The following MTRF1 variants were observed in gnomAD, a reference collection of about 807,000 sequenced individuals.
The protein encoded by MTRF1 is peptide chain release factor 1, mitochondrial.
MTRF1 carries 51 observed loss-of-function variants against 62.9 expected under a neutral mutation model. The observed-to-expected ratio is 0.81, with a 90% CI of 0.65 to 1.02. MTRF1 has a LOEUF of 1.02. MTRF1 is among the 50% of genes least tolerant of loss of function. The pLI, the probability that MTRF1 is intolerant of heterozygous loss-of-function variation, is 0.00. For synonymous variants in MTRF1, 158 were observed against 181.9 expected (o/e 0.87, Z 1.06); for missense variants, 446 against 530.0 (o/e 0.84, Z 1.56).
chr13:41,218,045 G>A (rs1367802694), intron 9 of MTRF1, among the ~76,000 whole-genome samples: 8 of 152,152 alleles, frequency 5.3e-5, no homozygotes, highest in Non-Finnish European at 7.3e-5. Flanking sequence ...AAATGGTGGG[G>A]GGAAAGAGAA....
At chr13:41,250,040 G>A (rs553808384) in intron 5 of MTRF1, among the ~76,000 whole-genome samples, 7 of 152,132 alleles carry the variant, frequency 4.6e-5, no homozygotes, top group Non-Finnish European at 1.0e-4. Flanking sequence ...TAAAGGAAAG[G>A]TTTCCCAATC....
chr13:41,286,113 A>C, the MTRF1 span, among the ~76,000 whole-genome samples: 1 of 150,666 alleles, frequency 6.6e-6, no homozygotes, highest in East Asian at 1.9e-4. Flanking sequence ...AAAAGGGAAA[A>C]CTGAAACTAG....
chr13:41,223,064 A>G (rs1403044035), intron 9 of MTRF1, among the ~76,000 whole-genome samples, 192 bp downstream of exon 9: 1 of 152,226 alleles, frequency 6.6e-6, no homozygotes, highest in African/African-American at 2.4e-5. Flanking sequence ...ATTGTTTCAA[A>G]ATGGCATAAA....
At chr13:41,254,427 A>G (rs2039462384) in intron 3 of MTRF1, 102 bp downstream of exon 3, 1 of 695,916 alleles carries the variant, frequency 1.4e-6, no homozygotes, top group Admixed American at 2.9e-5. Context: ...AGAACACTTA[A>G]AACAGTGTTT....
chr13:41,275,086 C>T, the MTRF1 span, among the ~76,000 whole-genome samples: 1 of 152,158 alleles, frequency 6.6e-6, no homozygotes, highest in Non-Finnish European at 1.5e-5. Context: ...ATGTTAACAT[C>T]GTTCTCGAAC....
intron 2 of MTRF1, among the ~76,000 whole-genome samples, chr13:41,257,185 T>G (rs2039843982): frequency 6.6e-6 from 1 of 152,190 alleles, no homozygotes; most frequent in Non-Finnish European, 1.5e-5. Flanking sequence ...GCAAAGAGAA[T>G]TAACATAGTA....
intron 7 of MTRF1, among the ~76,000 whole-genome samples, chr13:41,230,123 ACTT>A (rs1476111459): frequency 1.3e-5 from 2 of 151,974 alleles, no homozygotes; most frequent in Non-Finnish European, 2.9e-5. Flanking sequence ...AAAAAGTATA[ACTT>A]CATTTTTGGG....
chr13:41,278,118 T>C, the MTRF1 span, among the ~76,000 whole-genome samples: 2 of 152,250 alleles, frequency 1.3e-5, no homozygotes, highest in African/African-American at 4.8e-5. Flanking sequence ...CAAGCTTCCA[T>C]TCCATCTTGT....
intron 5 of MTRF1, among the ~76,000 whole-genome samples, chr13:41,249,985 T>C (rs967012492): frequency 6.6e-6 from 1 of 152,260 alleles, no homozygotes; most frequent in East Asian, 1.9e-4. Context: ...GGCTTTTAGC[T>C]TTTCAAAATA....
Position 41,226,492 on chromosome 13 carries a change from T to G in MTRF1, c.1065A>C (p.Arg355Ser). ...KEIAFRVLRA[R>S]LYQQIIEKDK... is the part of the protein sequence containing the mutation. ...CTTTCTCAATAATCTGCTGGTAGAG[T>G]CTAGCTCTCAACACACGAAAGGCTA... is the stretch of plus-strand genomic sequence containing the variant. Residue 355 changes from arginine to serine, a missense_variant, in exon 8 of 10, where the codon AGA becomes AGC. Physicochemically the swap from Arg to Ser is moderately radical, Grantham distance 110. Coordinates refer to ENST00000379480, the MANE Select transcript of MTRF1 (RefSeq NM_004294.4). The G allele has an allele frequency of 6.2e-7, 1 of 1,613,968 alleles. No individual in the cohort carries two copies. Among genetic ancestry groups the G allele is most frequent in the East Asian group, 2.2e-5 (1 of 44,866 alleles).
chr13:41,269,596 T>C, the MTRF1 span, among the ~76,000 whole-genome samples: 3 of 152,152 alleles, frequency 2.0e-5, no homozygotes, highest in Non-Finnish European at 4.4e-5. Context: ...TAGAATGTTT[T>C]CCTACAATAT....
chr13:41,307,083 G>C, the MTRF1 span, among the ~76,000 whole-genome samples: 7 of 152,148 alleles, frequency 4.6e-5, no homozygotes, highest in African/African-American at 7.2e-5. Context: ...TAAGGTTCAG[G>C]ATGACAACTA....
chr13:41,295,361 T>G, the MTRF1 span, among the ~76,000 whole-genome samples: 2 of 152,226 alleles, frequency 1.3e-5, no homozygotes, highest in Non-Finnish European at 2.9e-5. Context: ...TTTGTGTCCC[T>G]ACACAAGGTA....
At position 41,217,375 on chromosome 13, in the gene MTRF1, A is replaced by G. The variant is rs770648711; in HGVS notation, c.1225-147T>C. 56 of 476,406 alleles carry G rather than the reference A, an allele frequency of 1.2e-4. No homozygotes were observed. The Middle Eastern group carries it at 2.4e-3, about 20-fold the overall frequency. The allele number at this position is 476,406 out of a possible 1,614,324, so 29.5% of individuals were successfully genotyped here. A position where few individuals can be genotyped will look rare whatever the true frequency, so the allele number is the denominator to read the frequency against. Reference sequence around the variant, plus strand: ...CTGTAATACAATGAACACAATCGCTAACTTGGGAAGATCCCCACTCTGTAG... The same window carrying G: ...CTGTAATACAATGAACACAATCGCTGACTTGGGAAGATCCCCACTCTGTAG... On this transcript the variant is annotated intron_variant, in intron 9 of 9. Coordinates refer to ENST00000379480, the MANE Select transcript of MTRF1 (RefSeq NM_004294.4).
chr13:41,227,574 G>T (rs920871353), intron 7 of MTRF1, among the ~76,000 whole-genome samples: 3 of 152,134 alleles, frequency 2.0e-5, no homozygotes, highest in Admixed American at 1.3e-4. Flanking sequence ...TCTTGAGGCT[G>T]TGTTGTTCTT....
At chr13:41,283,196 AG>A in the MTRF1 span, among the ~76,000 whole-genome samples, 72 of 152,290 alleles carry the variant, frequency 4.7e-4, no homozygotes, top group African/African-American at 1.5e-3. Flanking sequence ...ACTTAATCTT[AG>A]GGGGAAAAGT....
chr13:41,306,756 G>T, the MTRF1 span, among the ~76,000 whole-genome samples: 1 of 152,172 alleles, frequency 6.6e-6, no homozygotes, highest in Non-Finnish European at 1.5e-5. Context: ...AAGGAGGTAT[G>T]CACCGTCTGA....
chr13:41,218,068 A>G (rs2032270584), intron 9 of MTRF1, among the ~76,000 whole-genome samples: 2 of 152,142 alleles, frequency 1.3e-5, no homozygotes, highest in African/African-American at 4.8e-5. Flanking sequence ...AAAATACAGT[A>G]AAATATTAAC....
At chr13:41,229,850 C>G (rs186183577) in intron 7 of MTRF1, among the ~76,000 whole-genome samples, 2 of 152,168 alleles carry the variant, frequency 1.3e-5, no homozygotes, top group African/African-American at 4.8e-5. Context: ...CCTGTAATCC[C>G]AGCACTTTGG....
Sources: gnomAD v4.1 joint callset for allele counts (sites outside exome capture counted in the v4.1 genomes callset) on GRCh38, gnomAD v4.1.1 for gene constraint, MANE v1.5 for transcripts, NCBI Gene and HGNC (gene_info 2026-07-23, HGNC 2026-07-21) for gene names.